CACNA2D3: variants seen among roughly 807,000 people sequenced by gnomAD.
The protein encoded by CACNA2D3 is calcium voltage-gated channel auxiliary subunit alpha2delta 3, also known as voltage-dependent calcium channel subunit alpha-2/delta-3.
In CACNA2D3, 60 loss-of-function variants were observed where a neutral mutation model predicts 160.6. The observed-to-expected ratio is 0.37, with a 90% confidence interval of 0.30 to 0.46. The LOEUF is 0.46. CACNA2D3 is among the 20% of genes least tolerant of loss of function. The probability of loss-of-function intolerance (pLI) is 1.00; values close to 1 mark genes in which losing one functional copy is unlikely to be tolerated. For synonymous variants in CACNA2D3, 558 were observed against 492.9 expected (o/e 1.13, Z -1.75); for missense variants, 1,205 against 1,365.0 (o/e 0.88, Z 1.85).
intron 3 of CACNA2D3, among the ~76,000 whole-genome samples, chr3:54,338,467 CTGTGTGTGTGTGTGTGTG>C (rs71074965): frequency 8.8e-5 from 12 of 136,440 alleles, no homozygotes; most frequent in South Asian, 2.6e-4. Context: ...TCTCCCCTCC[CTGTGTGTGTGTGTGTGTG>C]TGTGTGTGTG....
intron 8 of CACNA2D3, among the ~76,000 whole-genome samples, chr3:54,577,466 C>T (rs1702603782): frequency 2.0e-5 from 3 of 152,180 alleles, no homozygotes; most frequent in Non-Finnish European, 2.9e-5. Context: ...AATGCAGATC[C>T]ATGATCTCCA....
intron 13 of CACNA2D3, among the ~76,000 whole-genome samples, chr3:54,809,728 C>CT (rs1349595494): frequency 6.6e-6 from 1 of 150,612 alleles, no homozygotes; most frequent in African/African-American, 2.5e-5. Flanking sequence ...TCCCCCCTTC[C>CT]TTTTTTCTTT....
At chr3:54,585,594 G>A (rs1403302874) in intron 9 of CACNA2D3, among the ~76,000 whole-genome samples, 1 of 151,772 alleles carries the variant, frequency 6.6e-6, no homozygotes, top group African/African-American at 2.4e-5. Flanking sequence ...ACGTAGCTGG[G>A]GAGGCCTCAC....
At chr3:54,681,884 A>G (rs1291731034) in intron 11 of CACNA2D3, among the ~76,000 whole-genome samples, 1 of 152,016 alleles carries the variant, frequency 6.6e-6, no homozygotes, top group African/African-American at 2.4e-5. Flanking sequence ...GGTTTCGCCA[A>G]GTTGGCCAGG....
At chr3:54,978,280 C>G (rs1702434145) in intron 29 of CACNA2D3, among the ~76,000 whole-genome samples, 1 of 152,144 alleles carries the variant, frequency 6.6e-6, no homozygotes, top group Non-Finnish European at 1.5e-5. Flanking sequence ...GGTTCAAACA[C>G]CTCTAACATT....
intron 25 of CACNA2D3, among the ~76,000 whole-genome samples, chr3:54,895,662 A>G (rs1025680326): frequency 1.3e-5 from 2 of 152,116 alleles, no homozygotes; most frequent in African/African-American, 4.8e-5. Flanking sequence ...GCTTCAACTC[A>G]TGGCCTTTTC....
intron 9 of CACNA2D3, among the ~76,000 whole-genome samples, chr3:54,592,554 A>G (rs1702880962): frequency 6.6e-6 from 1 of 152,168 alleles, no homozygotes; most frequent in Non-Finnish European, 1.5e-5. Context: ...AATCTACTAC[A>G]GACCTTCTGA....
intron 3 of CACNA2D3, among the ~76,000 whole-genome samples, chr3:54,349,737 A>G (rs982610000): frequency 2.6e-5 from 4 of 152,136 alleles, no homozygotes; most frequent in African/African-American, 9.7e-5. Flanking sequence ...TAGCAGGCCC[A>G]TCTTGGCTTT....
intron 2 of CACNA2D3, among the ~76,000 whole-genome samples, chr3:54,312,720 T>C (rs1202130928): frequency 6.6e-6 from 1 of 152,214 alleles, no homozygotes; most frequent in Non-Finnish European, 1.5e-5. Context: ...TCTTGCCAAA[T>C]GCTGATTCTG....
intron 35 of CACNA2D3, among the ~76,000 whole-genome samples, chr3:55,030,845 G>C (rs1703671694): frequency 6.6e-6 from 1 of 152,152 alleles, no homozygotes; most frequent in African/African-American, 2.4e-5. Flanking sequence ...GATAAGCAGT[G>C]TTTGGAGGGT....
chr3:54,755,578 A>G (rs981935223), intron 12 of CACNA2D3, among the ~76,000 whole-genome samples: 6 of 152,152 alleles, frequency 3.9e-5, no homozygotes, highest in South Asian at 2.1e-4. Flanking sequence ...AAAGGTATCA[A>G]TAATTCTGCT....
intron 9 of CACNA2D3, among the ~76,000 whole-genome samples, chr3:54,601,037 A>G (rs1239374855): frequency 1.3e-5 from 2 of 152,206 alleles, no homozygotes; most frequent in East Asian, 3.8e-4. Flanking sequence ...CCAAGACCAC[A>G]GTCTTGCCAC....
At chr3:55,054,948 T>C (rs1258982123) in intron 35 of CACNA2D3, among the ~76,000 whole-genome samples, 1 of 152,062 alleles carries the variant, frequency 6.6e-6, no homozygotes, top group Non-Finnish European at 1.5e-5. Flanking sequence ...TGGAATATGA[T>C]ATTTAGTTCT....
intron 2 of CACNA2D3, among the ~76,000 whole-genome samples, chr3:54,247,088 G>GA (rs1465691822): frequency 6.6e-6 from 1 of 152,212 alleles, no homozygotes; most frequent in Non-Finnish European, 1.5e-5. Context: ...CAGGTGGGCG[G>GA]ATCACCTGAG....
Position 54,563,063 on chromosome 3 carries a change from A to G in CACNA2D3, c.676+132A>G, listed in dbSNP as rs562136059. On this transcript the variant is annotated intron_variant, in intron 6 of 37. Transcript: ENST00000474759. Reference sequence around the variant, plus strand: ...AAAATGAAAGATGAATTCCAAACCTATTGTCAGGGTGCAGGACAGGAATGG... The same window carrying G: ...AAAATGAAAGATGAATTCCAAACCTGTTGTCAGGGTGCAGGACAGGAATGG... 1.7e-5 allele frequency: 14 copies of G among 825,286 alleles called. 1 individual carries two copies. Among genetic ancestry groups the G allele is most frequent in the South Asian group, 7.0e-5 (4 of 57,346 alleles). 51.1% of individuals were successfully genotyped at this position (825,286 alleles called of 1,614,324 possible). A position where few individuals can be genotyped will look rare whatever the true frequency, so the allele number is the denominator to read the frequency against.
chr3:55,035,895 G>C (rs959643740), intron 35 of CACNA2D3, among the ~76,000 whole-genome samples: 2 of 152,232 alleles, frequency 1.3e-5, no homozygotes, highest in Admixed American at 6.5e-5. Context: ...TAACTGATGA[G>C]TGAGGATGGA....
intron 11 of CACNA2D3, among the ~76,000 whole-genome samples, chr3:54,736,988 T>A (rs1701545751): frequency 6.6e-6 from 1 of 152,240 alleles, no homozygotes; most frequent in African/African-American, 2.4e-5. Flanking sequence ...TTTAGTACTT[T>A]AGTGCTCATT....
intron 4 of CACNA2D3, among the ~76,000 whole-genome samples, chr3:54,436,686 A>G (rs2106785089): frequency 6.6e-6 from 1 of 152,160 alleles, no homozygotes; most frequent in South Asian, 2.1e-4. Flanking sequence ...AGAACAGAAA[A>G]CCAAACACTG....
chr3:55,024,992 T>C (rs1703535004), intron 35 of CACNA2D3, among the ~76,000 whole-genome samples: 1 of 152,210 alleles, frequency 6.6e-6, no homozygotes, highest in Non-Finnish European at 1.5e-5. Flanking sequence ...ATGCATACTA[T>C]ACCCTCAGTC....
Sources: gnomAD v4.1 joint callset for allele counts (sites outside exome capture counted in the v4.1 genomes callset) on GRCh38, gnomAD v4.1.1 for gene constraint, MANE v1.5 for transcripts, NCBI Gene and HGNC (gene_info 2026-07-23, HGNC 2026-07-21) for gene names.